AGBL4: variants seen among roughly 807,000 people sequenced by gnomAD.
AGBL4 encodes the protein AGBL carboxypeptidase 4.
AGBL4 carries 58 observed loss-of-function variants against 66.4 expected under a neutral mutation model. The ratio of observed to expected loss-of-function variants is 0.87; its 90% CI spans 0.71 to 1.09. The LOEUF (loss-of-function observed/expected upper bound fraction) is 1.09. Ranked by LOEUF, AGBL4 falls within the 50% of genes least tolerant of loss-of-function variation. AGBL4 has a pLI of 0.00. For missense variants in AGBL4, 579 were observed against 631.0 expected (o/e 0.92, Z 0.88); for synonymous variants, 234 against 222.9 (o/e 1.05, Z -0.44).
At chr1:49,190,836 AG>A (rs982475868) in intron 4 of AGBL4, among the ~76,000 whole-genome samples, 2 of 152,138 alleles carry the variant, frequency 1.3e-5, no homozygotes, top group African/African-American at 4.8e-5. Flanking sequence ...AACAAACAAA[AG>A]TGTTCCTGAG....
At chr1:50,011,816 T>C (rs1661555292) in intron 1 of AGBL4, among the ~76,000 whole-genome samples, 1 of 152,200 alleles carries the variant, frequency 6.6e-6, no homozygotes, top group Non-Finnish European at 1.5e-5. Context: ...CTCACTTATA[T>C]GTGGGATCTA....
chr1:48,748,606 G>A (rs1342318186), intron 6 of AGBL4, among the ~76,000 whole-genome samples: 2 of 152,202 alleles, frequency 1.3e-5, no homozygotes, highest in Admixed American at 1.3e-4. Context: ...CTTGTTGGGT[G>A]TGTGACCCTA....
At chr1:48,972,804 A>C (rs1400438450) in intron 5 of AGBL4, among the ~76,000 whole-genome samples, 2 of 152,192 alleles carry the variant, frequency 1.3e-5, no homozygotes, top group Non-Finnish European at 2.9e-5. Flanking sequence ...ATAGGGGATA[A>C]AAAATACATT....
At chr1:48,633,834 A>G (rs1645627603) in intron 9 of AGBL4, among the ~76,000 whole-genome samples, 1 of 152,214 alleles carries the variant, frequency 6.6e-6, no homozygotes, top group South Asian at 2.1e-4. Context: ...CTGTCTGCCT[A>G]TGTCCCCTTC....
intron 3 of AGBL4, among the ~76,000 whole-genome samples, chr1:49,510,959 C>A (rs967221146): frequency 1.3e-4 from 20 of 151,316 alleles, no homozygotes; most frequent in African/African-American, 4.6e-4. Context: ...GTTTTGGTAC[C>A]AGTACCATGC....
chr1:49,696,201 G>C (rs892398142), intron 3 of AGBL4, among the ~76,000 whole-genome samples: 22 of 152,134 alleles, frequency 1.4e-4, no homozygotes, highest in Admixed American at 3.9e-4. Context: ...AGCTTGTACA[G>C]AGTCTTCCAT....
chr1:49,151,915 G>A (rs1330218984), intron 4 of AGBL4, among the ~76,000 whole-genome samples: 1 of 151,806 alleles, frequency 6.6e-6, no homozygotes, highest in Non-Finnish European at 1.5e-5. Context: ...CAGAGATAAA[G>A]GCTTCCAGAG....
chr1:49,189,811 G>T (rs1647082137), intron 4 of AGBL4, among the ~76,000 whole-genome samples: 1 of 152,122 alleles, frequency 6.6e-6, no homozygotes, highest in African/African-American at 2.4e-5. Context: ...GAAAAAGTGG[G>T]TATGATATCC....
intron 3 of AGBL4, among the ~76,000 whole-genome samples, chr1:49,455,093 A>G (rs749781877): frequency 6.6e-6 from 1 of 151,710 alleles, no homozygotes; most frequent in Non-Finnish European, 1.5e-5. Context: ...AGGCAGCCTG[A>G]TATCAAAGCT....
intron 9 of AGBL4, among the ~76,000 whole-genome samples, chr1:48,626,379 A>T (rs1273741081): frequency 6.6e-6 from 1 of 152,214 alleles, no homozygotes; most frequent in Non-Finnish European, 1.5e-5. Context: ...CTTTTAGCAG[A>T]TGGGCATACT....
At chr1:49,872,325 C>G (rs1646857123) in intron 1 of AGBL4, among the ~76,000 whole-genome samples, 1 of 151,786 alleles carries the variant, frequency 6.6e-6, no homozygotes, top group Admixed American at 6.6e-5. Context: ...CAATAAGAAC[C>G]TATTTTCTTT....
intron 4 of AGBL4, among the ~76,000 whole-genome samples, chr1:49,047,619 C>G (rs1039620244): frequency 6.6e-6 from 1 of 152,050 alleles, no homozygotes; most frequent in African/African-American, 2.4e-5. Flanking sequence ...GAAAATGACC[C>G]CTCCTGATCC....
chr1:48,975,287 T>C (rs1050382062), intron 5 of AGBL4, among the ~76,000 whole-genome samples: 6 of 152,180 alleles, frequency 3.9e-5, no homozygotes, highest in Non-Finnish European at 8.8e-5. Context: ...TTCTATTGAA[T>C]AATCTGTAAT....
chr1:49,668,774 C>T (rs1435060666), intron 3 of AGBL4, among the ~76,000 whole-genome samples: 1 of 152,150 alleles, frequency 6.6e-6, no homozygotes, highest in Non-Finnish European at 1.5e-5. Context: ...AAAATTGAAC[C>T]TCAATCTTGC....
intron 6 of AGBL4, among the ~76,000 whole-genome samples, chr1:48,692,945 A>C (rs1646657113): frequency 6.6e-6 from 1 of 152,286 alleles, no homozygotes; most frequent in African/African-American, 2.4e-5. Flanking sequence ...GGATTACTTC[A>C]TATAATCTTC....
intron 3 of AGBL4, among the ~76,000 whole-genome samples, chr1:49,369,110 G>C (rs542672814): frequency 6.6e-6 from 1 of 152,112 alleles, no homozygotes; most frequent in East Asian, 1.9e-4. Flanking sequence ...GAAAATGTGA[G>C]GTTAAGAGAT....
intron 1 of AGBL4, among the ~76,000 whole-genome samples, chr1:49,857,678 A>C (rs183744560): frequency 3.9e-5 from 6 of 152,316 alleles, no homozygotes; most frequent in African/African-American, 1.4e-4. Flanking sequence ...ATCCACATGC[A>C]GAAGAATGAA....
intron 3 of AGBL4, among the ~76,000 whole-genome samples, chr1:49,594,485 C>T (rs1389840053): frequency 6.6e-6 from 1 of 152,182 alleles, no homozygotes; most frequent in East Asian, 1.9e-4. Flanking sequence ...ACATGCATTA[C>T]ATATTTGTCC....
At chr1:48,906,664 G>A (rs554456323) in intron 5 of AGBL4, among the ~76,000 whole-genome samples, 1 of 152,098 alleles carries the variant, frequency 6.6e-6, no homozygotes. Flanking sequence ...GGAGCGAGGG[G>A]AGCTAGGGAA....
Sources: allele counts gnomAD v4.1 joint callset (sites outside exome capture counted in the v4.1 genomes callset), GRCh38; gene constraint gnomAD v4.1.1; transcripts MANE v1.5; gene names NCBI Gene and HGNC (gene_info 2026-07-23, HGNC 2026-07-21).